TIAM1: variants seen among roughly 807,000 people sequenced by gnomAD.
TIAM1 encodes the protein TIAM Rac1 associated GEF 1.
TIAM1 carries 65 observed loss-of-function variants against 163.5 expected under a neutral mutation model. The ratio of observed to expected loss-of-function variants is 0.40; its 90% CI spans 0.33 to 0.49. The LOEUF (loss-of-function observed/expected upper bound fraction) is 0.49, where lower values mean the gene tolerates loss of function less well. TIAM1 is among the 20% of genes least tolerant of loss of function. TIAM1 has a pLI of 0.77. For missense variants in TIAM1, 1,789 were observed against 2,044.7 expected, an observed-to-expected ratio of 0.87 and a Z score of 2.41; for synonymous variants, 833 against 810.1, an observed-to-expected ratio of 1.03 and a Z score of -0.48.
intron 1 of TIAM1, among the ~76,000 whole-genome samples, chr21:31,496,455 G>A (rs1309647477): frequency 4.5e-4 from 37 of 81,776 alleles, no homozygotes; most frequent in Admixed American, 1.6e-3. Context: ...GGGCAACTCT[G>A]TCTCAAAAAA....
intron 1 of TIAM1, among the ~76,000 whole-genome samples, chr21:31,541,908 T>G (rs891622250): frequency 1.3e-5 from 2 of 152,226 alleles, no homozygotes. Flanking sequence ...GCTAAGTGCT[T>G]GCCCAACTGC....
intron 1 of TIAM1, among the ~76,000 whole-genome samples, chr21:31,497,660 A>C (rs1024583602): frequency 6.6e-6 from 1 of 152,224 alleles, no homozygotes; most frequent in African/African-American, 2.4e-5. Context: ...TAAATAAAGG[A>C]AATAAAATTA....
At chr21:31,157,283 G>A (rs755818051) in intron 16 of TIAM1, among the ~76,000 whole-genome samples, 22 of 152,246 alleles carry the variant, frequency 1.4e-4, no homozygotes, top group Non-Finnish European at 2.1e-4. Context: ...GGTGAGTGAC[G>A]GTGGTCATAG....
intron 2 of TIAM1, among the ~76,000 whole-genome samples, chr21:31,381,189 T>C (rs760312061): frequency 6.6e-6 from 1 of 152,164 alleles, no homozygotes; most frequent in Non-Finnish European, 1.5e-5. Context: ...ACTGAACATC[T>C]GTGTCCCCGC....
At chr21:31,229,264 G>A (rs116952779) in intron 6 of TIAM1, among the ~76,000 whole-genome samples, 2,781 of 152,064 alleles carry the variant, frequency 0.018, 44 homozygotes, top group Non-Finnish European at 0.029. Context: ...CATGGTGCTG[G>A]GTGCTGGTGT....
At chr21:31,436,654 T>A (rs996151067) in intron 2 of TIAM1, among the ~76,000 whole-genome samples, 1 of 150,938 alleles carries the variant, frequency 6.6e-6, no homozygotes, top group Admixed American at 6.6e-5. Context: ...AATAAATTAA[T>A]TAATTAATTT....
At chr21:31,528,791 C>G (rs915948183) in intron 1 of TIAM1, among the ~76,000 whole-genome samples, 4 of 144,886 alleles carry the variant, frequency 2.8e-5, no homozygotes, top group Non-Finnish European at 4.5e-5. Flanking sequence ...GGCAACAGAG[C>G]AAGACTCTAA....
chr21:31,223,977 A>C (rs1465384280), intron 7 of TIAM1, among the ~76,000 whole-genome samples: 1 of 152,210 alleles, frequency 6.6e-6, no homozygotes, highest in African/African-American at 2.4e-5. Context: ...AGACGAATGA[A>C]AGGCTAGAAG....
intron 6 of TIAM1, among the ~76,000 whole-genome samples, chr21:31,231,182 C>T (rs2088400876): frequency 6.6e-6 from 1 of 152,152 alleles, no homozygotes; most frequent in Admixed American, 6.5e-5. Context: ...CCATAAGAGT[C>T]TAGGATGAGT....
intron 2 of TIAM1, among the ~76,000 whole-genome samples, chr21:31,337,059 C>G (rs1452993018): frequency 1.3e-5 from 2 of 152,160 alleles, no homozygotes; most frequent in African/African-American, 4.8e-5. Flanking sequence ...CTCCATAGGC[C>G]AGGCTGCCTG....
intron 2 of TIAM1, among the ~76,000 whole-genome samples, chr21:31,337,805 C>T (rs751249147): frequency 1.6e-4 from 25 of 152,084 alleles, no homozygotes; most frequent in Non-Finnish European, 2.5e-4. Flanking sequence ...GCTGGGATTA[C>T]GGGTGTGAGC....
At chr21:31,185,667 T>G (rs1387042657) in intron 14 of TIAM1, among the ~76,000 whole-genome samples, 2 of 146,748 alleles carry the variant, frequency 1.4e-5, no homozygotes, top group African/African-American at 2.5e-5. Flanking sequence ...AATTACAATA[T>G]CATCATTATA....
chr21:31,133,582 T>C (rs1473696997), intron 23 of TIAM1, among the ~76,000 whole-genome samples: 1 of 152,218 alleles, frequency 6.6e-6, no homozygotes, highest in Non-Finnish European at 1.5e-5. Context: ...AAACCAGCAT[T>C]TTCCTGAATC....
At chr21:31,433,867 G>A (rs1018254722) in intron 2 of TIAM1, among the ~76,000 whole-genome samples, 92 of 151,620 alleles carry the variant, frequency 6.1e-4, no homozygotes, top group African/African-American at 2.2e-3. Flanking sequence ...GTTTGATCTC[G>A]GCTCACTGCA....
At chr21:31,409,537 C>T (rs912606560) in intron 2 of TIAM1, among the ~76,000 whole-genome samples, 5 of 152,160 alleles carry the variant, frequency 3.3e-5, no homozygotes, top group East Asian at 1.9e-4. Context: ...CTCCGCACAC[C>T]GACTTCCTGC....
intron 19 of TIAM1, among the ~76,000 whole-genome samples, chr21:31,151,867 C>T (rs554188215): frequency 3.3e-5 from 5 of 152,180 alleles, no homozygotes; most frequent in African/African-American, 1.2e-4. Flanking sequence ...AAATAAGCAT[C>T]CTTGCTAAGG....
chr21:31,322,930 C>T (rs540847789), intron 2 of TIAM1, among the ~76,000 whole-genome samples: 1 of 152,172 alleles, frequency 6.6e-6, no homozygotes, highest in African/African-American at 2.4e-5. Flanking sequence ...TCAGGGAACT[C>T]GGTTCCTTGG....
Position 31,138,998 on chromosome 21 carries a change from A to G in TIAM1, c.3774+2120T>C, listed in dbSNP as rs116341079. Among the ~76,000 whole-genome samples, 519 of 152,188 alleles carry G rather than the reference A, an allele frequency of 3.4e-3. 1 individual carries two copies. Among genetic ancestry groups the G allele is most frequent in the African/African-American group, 0.012 (498 of 41,516 alleles). On this transcript the variant is annotated intron_variant, in intron 22 of 27. Transcript: ENST00000541036. ...CAGTGTCCCTCCTTCCATCTTTTGC[A>G]CATTTCTTTTTACAATCTCAGCCCA...
At chr21:31,125,576 T>C (rs1376401390) in intron 26 of TIAM1, among the ~76,000 whole-genome samples, 1 of 152,186 alleles carries the variant, frequency 6.6e-6, no homozygotes, top group African/African-American at 2.4e-5. Flanking sequence ...ATTTATTTTC[T>C]TTTTCTTTCT....
Sources: gnomAD v4.1 joint callset for allele counts (sites outside exome capture counted in the v4.1 genomes callset) on GRCh38, gnomAD v4.1.1 for gene constraint, MANE v1.5 for transcripts, NCBI Gene and HGNC (gene_info 2026-07-23, HGNC 2026-07-21) for gene names.